The following CDC42SE2 variants were observed in gnomAD, a reference collection of about 807,000 sequenced individuals.
CDC42SE2 encodes the protein CDC42 small effector 2.
In CDC42SE2, 3 loss-of-function variants were observed where a neutral mutation model predicts 11.5. The observed-to-expected ratio is 0.26, with a 90% CI of 0.12 to 0.67. The LOEUF (loss-of-function observed/expected upper bound fraction) is 0.67, where lower values mean the gene tolerates loss of function less well. Among genes scored for constraint, CDC42SE2 ranks in the 30% least tolerant of loss-of-function variants. CDC42SE2 has a pLI of 0.80. For missense variants in CDC42SE2, 82 were observed against 106.8 expected (o/e 0.77, Z 1.02); for synonymous variants, 33 against 34.8 (o/e 0.95, Z 0.18).
chr5:131,314,823 T>C (rs767481617), intron 1 of CDC42SE2, among the ~76,000 whole-genome samples: 2 of 152,152 alleles, frequency 1.3e-5, no homozygotes, highest in Non-Finnish European at 2.9e-5. Context: ...TGAAATTCAT[T>C]TTTCCTTTAA....
At chr5:131,296,756 AT>A (rs1250193565) in intron 1 of CDC42SE2, among the ~76,000 whole-genome samples, 1 of 152,144 alleles carries the variant, frequency 6.6e-6, no homozygotes, top group Non-Finnish European at 1.5e-5. Context: ...GAGTGGGCAA[AT>A]TCAACCCATA....
upstream of CDC42SE2, among the ~76,000 whole-genome samples, chr5:131,240,704 A>G (rs1475460769): frequency 1.3e-5 from 2 of 152,190 alleles, no homozygotes; most frequent in African/African-American, 4.8e-5. Flanking sequence ...AATATATGTT[A>G]TATTCCCAAT....
chr5:131,299,538 G>T (rs1419862951), intron 1 of CDC42SE2, among the ~76,000 whole-genome samples: 1 of 152,182 alleles, frequency 6.6e-6, no homozygotes, highest in Non-Finnish European at 1.5e-5. Flanking sequence ...AATAGGATTG[G>T]GGTGGGTAAT....
In CDC42SE2 at chr5:131,385,544, A is replaced by C; in HGVS notation, c.56A>C (p.Lys19Thr). The change falls in exon 4 of 5, where the codon AAA becomes ACA. Residue 19 changes from lysine to threonine, a missense_variant and splice_region_variant. By Grantham distance (78) the Lys-to-Thr change is moderately conservative (BLOSUM62 -1). Transcript: ENST00000505065. ...ACACATTTGTTCCCCATATTTTAGAAAAGGCGACGGCGGATTGACAGAAGT... is the reference window on the plus strand; with the variant it reads ...ACACATTTGTTCCCCATATTTTAGACAAGGCGACGGCGGATTGACAGAAGT... ...NCCIAEQPQP[K>T]RRRRIDRSMI... 6.2e-7 allele frequency: 1 copy of C among 1,611,646 alleles called. No individual in the cohort carries two copies. Among genetic ancestry groups the C allele is most frequent in the Non-Finnish European group, 8.5e-7 (1 of 1,178,248 alleles).
At chr5:131,362,728 A>G (rs1422932935) in intron 3 of CDC42SE2, among the ~76,000 whole-genome samples, 3 of 152,224 alleles carry the variant, frequency 2.0e-5, no homozygotes, top group East Asian at 1.9e-4. Context: ...TAGAGCCCCA[A>G]TGTTTTGAGC....
chr5:131,211,645 C>T, the CDC42SE2 span, among the ~76,000 whole-genome samples: 2 of 152,172 alleles, frequency 1.3e-5, no homozygotes, highest in African/African-American at 4.8e-5. Context: ...CTTTGCTAGG[C>T]ACCCTGAGGG....
At chr5:131,284,047 T>C (rs1038442957) in intron 1 of CDC42SE2, among the ~76,000 whole-genome samples, 1 of 152,214 alleles carries the variant, frequency 6.6e-6, no homozygotes, top group African/African-American at 2.4e-5. Context: ...TGCTAGTCTG[T>C]TTTCTAAAGT....
At chr5:131,375,371 T>C (rs1036408222) in intron 3 of CDC42SE2, among the ~76,000 whole-genome samples, 1 of 152,236 alleles carries the variant, frequency 6.6e-6, no homozygotes, top group Admixed American at 6.5e-5. Flanking sequence ...ACACTTAAGA[T>C]TGAATTGTAA....
At chr5:131,356,881 C>T (rs1029181152) in intron 2 of CDC42SE2, among the ~76,000 whole-genome samples, 1 of 152,168 alleles carries the variant, frequency 6.6e-6, no homozygotes, top group African/African-American at 2.4e-5. Flanking sequence ...GCATTCCAGC[C>T]TGGGCAACAC....
In CDC42SE2 at chr5:131,392,334, A is replaced by G. The variant is rs1048122350; in HGVS notation, c.*1243A>G. On this transcript the variant is annotated 3_prime_UTR_variant, in exon 5 of 5. Coordinates refer to ENST00000505065, the MANE Select transcript of CDC42SE2 (RefSeq NM_001375635.1). ...TTTGTTTGAAACTTCAGCAGAATAGATATCTGCATGCTTTATGAAGTTGTT... is the reference window on the plus strand; with the variant it reads ...TTTGTTTGAAACTTCAGCAGAATAGGTATCTGCATGCTTTATGAAGTTGTT... 3.9e-5 allele frequency: 6 copies of G among 152,846 alleles called. No homozygotes were observed. The highest frequency in any genetic ancestry group is 2.1e-4 in the South Asian group (1 of 4,832). 9.5% of individuals were successfully genotyped at this position (152,846 alleles called of 1,614,324 possible).
chr5:131,285,287 C>T (rs1237653340), intron 1 of CDC42SE2, among the ~76,000 whole-genome samples: 1 of 151,882 alleles, frequency 6.6e-6, no homozygotes, highest in Admixed American at 6.6e-5. Flanking sequence ...TCCCCCCGCC[C>T]CAAAATAAAA....
At chr5:131,244,420 A>G (rs1373951945), upstream of CDC42SE2, among the ~76,000 whole-genome samples, 1 of 152,138 alleles carries the variant, frequency 6.6e-6, no homozygotes, top group South Asian at 2.1e-4. Context: ...CACACAAAAA[A>G]CATCTTCAGG....
intron 1 of CDC42SE2, among the ~76,000 whole-genome samples, chr5:131,251,577 A>G (rs1756638656): frequency 6.6e-6 from 1 of 152,360 alleles, no homozygotes; most frequent in East Asian, 1.9e-4. Context: ...AACTAAAAAA[A>G]GAAAAAAAAT....
At position 131,310,329 on chromosome 5, in the gene CDC42SE2, T is replaced by C. The variant is rs1384533594; in HGVS notation, c.-454-5647T>C. On this transcript the variant is annotated intron_variant, in intron 1 of 4. Transcript: ENST00000505065. ...CTGAGAGATAGTTTGTTATAATTTC[T>C]GTTCTTTTACATTTGCTGAGGAGAG... is the stretch of plus-strand genomic sequence containing the variant. Among the ~76,000 whole-genome samples the C allele has an allele frequency of 1.7e-3, 250 of 151,328 alleles. 1 individual carries two copies. The highest frequency in any genetic ancestry group is 5.2e-3 in the African/African-American group (213 of 40,912).
intron 2 of CDC42SE2, among the ~76,000 whole-genome samples, chr5:131,355,905 A>G (rs1214765802): frequency 1.3e-5 from 2 of 152,148 alleles, no homozygotes; most frequent in Non-Finnish European, 2.9e-5. Flanking sequence ...TTAGGTGGCA[A>G]AAAGGAGGAG....
At position 131,391,173 on chromosome 5, in the gene CDC42SE2, A is replaced by G. The variant is rs1031147194; in HGVS notation, c.*82A>G. ...CATGGCCAGGCCAATAATAGTAAAT[A>G]TATGTATATATATATAATTTTTTAA... On this transcript the variant is annotated 3_prime_UTR_variant, in exon 5 of 5. Transcript: ENST00000505065. 3 of 544,324 alleles carry G rather than the reference A, an allele frequency of 5.5e-6. 1 individual carries two copies. The highest frequency in any genetic ancestry group is 9.8e-5 in the South Asian group (2 of 20,404). 33.7% of individuals were successfully genotyped at this position (544,324 alleles called of 1,614,324 possible).
At chr5:131,326,447 C>A (rs1311523929) in intron 2 of CDC42SE2, among the ~76,000 whole-genome samples, 2 of 151,936 alleles carry the variant, frequency 1.3e-5, no homozygotes, top group Non-Finnish European at 2.9e-5. Flanking sequence ...TGTTTTGGGC[C>A]ATGCTTTTTG....
At chr5:131,374,326 C>A (rs925196665) in intron 3 of CDC42SE2, among the ~76,000 whole-genome samples, 3 of 151,914 alleles carry the variant, frequency 2.0e-5, no homozygotes, top group Admixed American at 1.3e-4. Context: ...AGGTGGATCA[C>A]GAGGTGAGTT....
intron 1 of CDC42SE2, among the ~76,000 whole-genome samples, chr5:131,282,251 T>C (rs1271063927): frequency 6.6e-6 from 1 of 152,240 alleles, no homozygotes; most frequent in East Asian, 1.9e-4. Flanking sequence ...TCGAAACATT[T>C]GTGTTATATA....
Sources: allele counts gnomAD v4.1 joint callset (sites outside exome capture counted in the v4.1 genomes callset), GRCh38; gene constraint gnomAD v4.1.1; transcripts MANE v1.5; gene names NCBI Gene and HGNC (gene_info 2026-07-23, HGNC 2026-07-21).